The following PARPBP variants were observed in gnomAD, a reference collection of about 807,000 sequenced individuals.
PARPBP encodes the protein PARP1 binding protein.
In PARPBP, 52 loss-of-function variants were observed where a neutral mutation model predicts 50.0. The ratio of observed to expected loss-of-function variants is 1.04; its 90% CI spans 0.83 to 1.31. The LOEUF is 1.31. Among genes scored for constraint, PARPBP ranks in the 50% most tolerant of loss-of-function variants. The pLI, the probability that PARPBP is intolerant of heterozygous loss-of-function variation, is 0.00. For missense variants in PARPBP, 697 were observed against 672.0 expected (o/e 1.04, Z -0.41); for synonymous variants, 244 against 232.1 (o/e 1.05, Z -0.47).
intron 4 of PARPBP, among the ~76,000 whole-genome samples, chr12:102,160,682 T>C (rs1459343442): frequency 6.6e-6 from 1 of 152,146 alleles, no homozygotes; most frequent in African/African-American, 2.4e-5. Flanking sequence ...GGCATGGTGG[T>C]TAACGCCTGT....
intron 6 of PARPBP, among the ~76,000 whole-genome samples, chr12:102,171,868 C>CAAA (rs754077504): frequency 9.9e-6 from 1 of 100,906 alleles, no homozygotes; most frequent in Non-Finnish European, 2.1e-5. Flanking sequence ...GACTCCGCCT[C>CAAA]AAAAAAAAAA....
At chr12:102,127,305 A>G (rs1287069350) in intron 2 of PARPBP, among the ~76,000 whole-genome samples, 1 of 151,994 alleles carries the variant, frequency 6.6e-6, no homozygotes, top group Non-Finnish European at 1.5e-5. Flanking sequence ...CTGAGGTGAG[A>G]TCACTTGAGT....
At chr12:102,136,350 T>C (rs1287310112) in intron 2 of PARPBP, among the ~76,000 whole-genome samples, 1 of 152,240 alleles carries the variant, frequency 6.6e-6, no homozygotes, top group Non-Finnish European at 1.5e-5. Context: ...GTATAGTGAT[T>C]GGAGGCTGTT....
chr12:102,178,403 A>C (rs1889495124), intron 7 of PARPBP, among the ~76,000 whole-genome samples, 189 bp from the exon 8 acceptor site: 2 of 152,222 alleles, frequency 1.3e-5, no homozygotes, highest in African/African-American at 4.8e-5. Context: ...TGCTTTTGGA[A>C]TTGGTAAAGT....
chr12:102,140,657 G>A, intron 2 of PARPBP, among the ~76,000 whole-genome samples: 1 of 152,194 alleles, frequency 6.6e-6, no homozygotes, highest in East Asian at 1.9e-4. Flanking sequence ...TGCTTTAAAT[G>A]TGTCCCAGAG....
At chr12:102,134,838 A>C (rs942061032) in intron 2 of PARPBP, among the ~76,000 whole-genome samples, 1 of 151,962 alleles carries the variant, frequency 6.6e-6, no homozygotes. Context: ...CACCATGCCC[A>C]GCTAATTCTT....
intron 9 of PARPBP, among the ~76,000 whole-genome samples, chr12:102,185,677 G>A (rs1890238262): frequency 6.6e-6 from 1 of 151,762 alleles, no homozygotes; most frequent in Non-Finnish European, 1.5e-5. Context: ...TTATTTTTTT[G>A]AGATGGAGTC....
intron 2 of PARPBP, among the ~76,000 whole-genome samples, chr12:102,138,783 A>C (rs1193235203): frequency 6.6e-6 from 1 of 152,224 alleles, no homozygotes; most frequent in Non-Finnish European, 1.5e-5. Context: ...GGTTTGTCAA[A>C]GATCAGATGG....
At chr12:102,123,186 G>C (rs369854230) in intron 1 of PARPBP, among the ~76,000 whole-genome samples, 5 of 152,192 alleles carry the variant, frequency 3.3e-5, no homozygotes, top group African/African-American at 1.2e-4. Context: ...CAAAATTCCA[G>C]ACTCGCAAGT....
intron 2 of PARPBP, among the ~76,000 whole-genome samples, chr12:102,133,755 T>TAACAAGCCCACAA (rs1883207215): frequency 6.6e-6 from 1 of 152,136 alleles, no homozygotes; most frequent in African/African-American, 2.4e-5. Flanking sequence ...AAACAAGTCT[T>TAACAAGCCCACAA]AACAAATTTA....
intron 2 of PARPBP, among the ~76,000 whole-genome samples, chr12:102,134,372 T>C (rs1270608983): frequency 6.6e-6 from 1 of 152,166 alleles, no homozygotes; most frequent in Non-Finnish European, 1.5e-5. Flanking sequence ...GATAAATTCC[T>C]TGACACGTAC....
At chr12:102,121,955 G>A (rs1462089940) in intron 1 of PARPBP, among the ~76,000 whole-genome samples, 2 of 152,106 alleles carry the variant, frequency 1.3e-5, no homozygotes, top group Non-Finnish European at 2.9e-5. Flanking sequence ...TTATGTCGTT[G>A]ACTTGTCATA....
chr12:102,140,676 G>A (rs986219209), intron 2 of PARPBP, among the ~76,000 whole-genome samples: 3 of 152,098 alleles, frequency 2.0e-5, no homozygotes, highest in Non-Finnish European at 2.9e-5. Flanking sequence ...AGATTCTGGT[G>A]TGTTGTGTCT....
At chr12:102,175,712 T>G (rs758083158) in intron 7 of PARPBP, 46 bp downstream of exon 7, 3 of 1,205,870 alleles carry the variant, frequency 2.5e-6, no homozygotes, top group Non-Finnish European at 3.5e-6. Context: ...CAAATCATTA[T>G]CTCTTCTATT....
intron 2 of PARPBP, among the ~76,000 whole-genome samples, chr12:102,141,816 C>T (rs1884648834): frequency 6.6e-6 from 1 of 152,176 alleles, no homozygotes; most frequent in African/African-American, 2.4e-5. Flanking sequence ...TATTGGCCCC[C>T]ACTGTCTTCT....
At chr12:102,132,286 C>A (rs551281985) in intron 2 of PARPBP, among the ~76,000 whole-genome samples, 2 of 151,546 alleles carry the variant, frequency 1.3e-5, no homozygotes, top group South Asian at 4.2e-4. Context: ...TGCACATATA[C>A]CCCTGAACTT....
chr12:102,191,443 T>C (rs552731456), intron 9 of PARPBP, among the ~76,000 whole-genome samples: 1 of 152,242 alleles, frequency 6.6e-6, no homozygotes, highest in South Asian at 2.1e-4. Context: ...AAGGTAAACT[T>C]AGAATATTTT....
intron 6 of PARPBP, among the ~76,000 whole-genome samples, chr12:102,171,741 C>G (rs1888763852): frequency 6.6e-6 from 1 of 151,760 alleles, no homozygotes; most frequent in African/African-American, 2.4e-5. Context: ...TGGTGGCGGG[C>G]GCCTGTAGTC....
intron 7 of PARPBP, among the ~76,000 whole-genome samples, chr12:102,177,099 T>C (rs1220288608): frequency 6.6e-6 from 1 of 152,208 alleles, no homozygotes; most frequent in Non-Finnish European, 1.5e-5. Flanking sequence ...TATTAAGGAA[T>C]ATGGAATTCT....
Sources: gnomAD v4.1 joint callset for allele counts (sites outside exome capture counted in the v4.1 genomes callset) on GRCh38, gnomAD v4.1.1 for gene constraint, MANE v1.5 for transcripts, NCBI Gene and HGNC (gene_info 2026-07-23, HGNC 2026-07-21) for gene names.